The following SBF2 variants were observed in gnomAD, a reference collection of about 807,000 sequenced individuals.
The protein encoded by SBF2 is myotubularin-related protein 13.
In SBF2, 112 loss-of-function variants were observed where a neutral mutation model predicts 225.2. The ratio of observed to expected loss-of-function variants is 0.50; its 90% CI spans 0.43 to 0.58. The LOEUF (loss-of-function observed/expected upper bound fraction) is 0.58. Ranked by LOEUF, SBF2 falls within the 20% of genes least tolerant of loss-of-function variation. The pLI, the probability that SBF2 is intolerant of heterozygous loss-of-function variation, is 0.00. For synonymous variants in SBF2, 763 were observed against 773.3 expected, an observed-to-expected ratio of 0.99 and a Z score of 0.22; for missense variants, 1,996 against 2,206.2, an observed-to-expected ratio of 0.90 and a Z score of 1.91.
intron 16 of SBF2, among the ~76,000 whole-genome samples, chr11:9,939,969 G>T (rs1865152280): frequency 6.6e-6 from 1 of 152,172 alleles, no homozygotes; most frequent in Non-Finnish European, 1.5e-5. Flanking sequence ...CAGCATTTTT[G>T]AATGTATATT....
At chr11:9,842,903 C>G in intron 24 of SBF2, 133 bp from the exon 25 acceptor site, 1 of 807,274 alleles carries the variant, frequency 1.2e-6, no homozygotes, top group South Asian at 1.7e-5. Context: ...TGTTAAGCCT[C>G]TCCTTCTTTA....
chr11:10,286,479 C>A (rs1422680883), intron 1 of SBF2, among the ~76,000 whole-genome samples: 3 of 151,574 alleles, frequency 2.0e-5, no homozygotes, highest in Non-Finnish European at 4.4e-5. Context: ...CCTGCCTCAG[C>A]CTCCCACGTA....
intron 2 of SBF2, among the ~76,000 whole-genome samples, chr11:10,093,062 G>T (rs1167976964): frequency 1.3e-5 from 2 of 150,826 alleles, no homozygotes; most frequent in Non-Finnish European, 3.0e-5. Context: ...TGTTACCCAG[G>T]CTGGAGGGCA....
rs138563610 is a variant in SBF2 at position 9,821,742 on chromosome 11, C to T, written c.3794-4718G>A. Among the ~76,000 whole-genome samples, 74 of 152,168 alleles carry T rather than the reference C, an allele frequency of 4.9e-4. 1 individual carries two copies. The highest frequency in any genetic ancestry group is 2.5e-3 in the South Asian group (12 of 4,828). Reference sequence around the variant, plus strand: ...ATACTAATGAGCACTGCATGTGGTACGGATGAATATTGTTTCACAGAACTT... The same window carrying T: ...ATACTAATGAGCACTGCATGTGGTATGGATGAATATTGTTTCACAGAACTT... On this transcript the variant is annotated intron_variant, in intron 28 of 39. Coordinates refer to ENST00000256190, the MANE Select transcript of SBF2 (RefSeq NM_030962.4).
At chr11:9,976,106 T>A (rs1440384684) in intron 13 of SBF2, among the ~76,000 whole-genome samples, 10 of 150,050 alleles carry the variant, frequency 6.7e-5, no homozygotes, top group Non-Finnish European at 5.9e-5. Context: ...CGAAGTCTTG[T>A]CTTGCTGCCC....
chr11:10,040,888 T>C (rs902014262), intron 3 of SBF2, among the ~76,000 whole-genome samples: 5 of 152,088 alleles, frequency 3.3e-5, no homozygotes, highest in Non-Finnish European at 5.9e-5. Context: ...CATGTTTGCA[T>C]TATTCTTGCA....
At chr11:9,959,843 T>TGAGGAGAGGAGA in intron 16 of SBF2, 1 of 548,688 alleles carries the variant, frequency 1.8e-6, no homozygotes, top group Admixed American at 1.9e-5. Context: ...GCTGCGAGAG[T>TGAGGAGAGGAGA]GAGGAGAGGA....
In SBF2 at chr11:9,856,719, T is replaced by C. The variant is rs1590235062; in HGVS notation, c.2102A>G (p.Asp701Gly). ...CTGATAATGGTCATCAGGAAGCTTA[T>C]CCTAAAAAATAAAGCAACACAATCC... ...DNHAPHLKQK[D>G]KLPDDHYQEK... Residue 701 changes from aspartate (D) to glycine (G), a missense_variant and splice_region_variant, in exon 19 of 40, where the codon GAT becomes GGT. Physicochemically the swap from Asp to Gly is moderately conservative, Grantham distance 94 (BLOSUM62 -1). Transcript: ENST00000256190. 1.2e-6 allele frequency: 2 copies of C among 1,613,436 alleles called. No individual in the cohort carries two copies. Among genetic ancestry groups the C allele is most frequent in the Non-Finnish European group, 1.7e-6 (2 of 1,179,920 alleles).
chr11:9,826,931 G>A (rs546415131), intron 28 of SBF2, among the ~76,000 whole-genome samples: 22 of 151,928 alleles, frequency 1.4e-4, no homozygotes, highest in Non-Finnish European at 2.4e-4. Flanking sequence ...TCTGCCTCCC[G>A]GGTTCAACTG....
At chr11:10,062,551 A>G (rs1358961210) in intron 2 of SBF2, among the ~76,000 whole-genome samples, 1 of 152,230 alleles carries the variant, frequency 6.6e-6, no homozygotes, top group Non-Finnish European at 1.5e-5. Context: ...ACCATTTTAA[A>G]AAAAGACATA....
intron 2 of SBF2, among the ~76,000 whole-genome samples, chr11:10,172,649 G>C (rs1411881834): frequency 1.3e-5 from 2 of 152,128 alleles, no homozygotes; most frequent in African/African-American, 2.4e-5. Flanking sequence ...CACCACGCCT[G>C]GCCAATACAA....
At chr11:9,952,997 G>A (rs1371392149) in intron 16 of SBF2, among the ~76,000 whole-genome samples, 1 of 152,238 alleles carries the variant, frequency 6.6e-6, no homozygotes, top group Admixed American at 6.5e-5. Context: ...AGTAGAAGTA[G>A]AACTACCATT....
intron 17 of SBF2, among the ~76,000 whole-genome samples, chr11:9,875,147 G>A (rs1365632359): frequency 6.6e-6 from 1 of 152,178 alleles, no homozygotes; most frequent in African/African-American, 2.4e-5. Context: ...TATAGACTGG[G>A]TCACAAAGTT....
intron 13 of SBF2, among the ~76,000 whole-genome samples, chr11:9,969,979 A>T (rs987423690): frequency 6.6e-6 from 1 of 151,996 alleles, no homozygotes; most frequent in Non-Finnish European, 1.5e-5. Context: ...ATTTTTGTAG[A>T]CTCTTTGGGT....
intron 1 of SBF2, among the ~76,000 whole-genome samples, chr11:10,215,153 C>G (rs367805444): frequency 5.3e-5 from 8 of 152,146 alleles, no homozygotes; most frequent in African/African-American, 1.9e-4. Context: ...TAATCTAAAC[C>G]CATATCCTTC....
chr11:9,995,959 C>T (rs1035716124), intron 9 of SBF2, among the ~76,000 whole-genome samples: 20 of 151,896 alleles, frequency 1.3e-4, no homozygotes, highest in Non-Finnish European at 1.5e-5. Flanking sequence ...CGCACCCGGC[C>T]GTATGCTCCT....
chr11:9,881,669 A>G (rs1859770519), intron 17 of SBF2, among the ~76,000 whole-genome samples: 1 of 152,096 alleles, frequency 6.6e-6, no homozygotes, highest in Non-Finnish European at 1.5e-5. Flanking sequence ...AGCTTCAGCT[A>G]GCCTTCTTGG....
intron 2 of SBF2, among the ~76,000 whole-genome samples, chr11:10,051,189 T>G (rs539856719): frequency 6.6e-6 from 1 of 152,126 alleles, no homozygotes; most frequent in Non-Finnish European, 1.5e-5. Flanking sequence ...TCCATAAATG[T>G]TTAGCTATTG....
chr11:10,300,220 C>T (rs1460222004), intron 1 of SBF2, among the ~76,000 whole-genome samples: 3 of 152,172 alleles, frequency 2.0e-5, no homozygotes, highest in Non-Finnish European at 4.4e-5. Flanking sequence ...CGTCACTAGG[C>T]TGTAAGCTCG....
Sources: allele counts gnomAD v4.1 joint callset (sites outside exome capture counted in the v4.1 genomes callset), GRCh38; gene constraint gnomAD v4.1.1; transcripts MANE v1.5; gene names NCBI Gene and HGNC (gene_info 2026-07-23, HGNC 2026-07-21).